ZNF701: variants seen among roughly 807,000 people sequenced by gnomAD.
ZNF701 encodes zinc finger protein 701.
In ZNF701, 6 loss-of-function variants were observed where a neutral mutation model predicts 7.1. The observed-to-expected ratio is 0.84, with a 90% CI of 0.46 to 1.66. The LOEUF is 1.66. Among genes scored for constraint, ZNF701 ranks in the 40% most tolerant of loss-of-function variants. The pLI is 0.01. For missense variants in ZNF701, 541 were observed against 559.2 expected (o/e 0.97, Z 0.33); for synonymous variants, 166 against 188.2 (o/e 0.88, Z 0.97).
At chr19:52,593,351 C>G in the ZNF701 span, among the ~76,000 whole-genome samples, 10 of 111,650 alleles carry the variant, frequency 9.0e-5, 4 homozygotes, top group Admixed American at 3.6e-4. Context: ...TCCCAGTAGG[C>G]GCGGCCGGGC....
downstream of ZNF701, among the ~76,000 whole-genome samples, chr19:52,590,014 G>A (rs901024271): frequency 6.6e-6 from 1 of 151,794 alleles, no homozygotes. Context: ...GGCTGGTCTC[G>A]ATCTCCCGAC....
At chr19:52,575,445 T>C (rs936773146) in intron 2 of ZNF701, among the ~76,000 whole-genome samples, 1 of 93,530 alleles carries the variant, frequency 1.1e-5, no homozygotes, top group Non-Finnish European at 2.0e-5. Flanking sequence ...GTAGGTTTTA[T>C]TTTTTTTTTA....
chr19:52,580,171 C>T (rs2059966137), intron 3 of ZNF701, among the ~76,000 whole-genome samples: 2 of 145,512 alleles, frequency 1.4e-5, no homozygotes. Flanking sequence ...TCTCAATCTC[C>T]TGACCTTGTG....
In ZNF701 at chr19:52,582,975, G is replaced by A. The variant is rs964289657; in HGVS notation, c.916G>A (p.Val306Ile). The change falls in exon 4 of 4, where the codon GTT (valine) becomes ATT (isoleucine). Residue 306 changes from valine to isoleucine, a missense_variant. Coordinates refer to ENST00000391785, the MANE Select transcript of ZNF701 (RefSeq NM_018260.3). ...TTACAAGTGTAATGAATGTGGCAAG[G>A]TTTTTAATCAACAATCAAACCTTGC... ...KPYKCNECGKVFNQQSNLARH... is the reference protein window; with the variant it reads ...KPYKCNECGKIFNQQSNLARH... The A allele has an allele frequency of 4.3e-6, 7 of 1,613,906 alleles. No homozygotes were observed. Among genetic ancestry groups the A allele is most frequent in the Non-Finnish European group, 5.9e-6 (7 of 1,179,980 alleles).
chr19:52,588,554 C>T, downstream of ZNF701: 1 of 373,024 alleles, frequency 2.7e-6, no homozygotes, highest in Non-Finnish European at 5.2e-6. Flanking sequence ...AAGACTCATG[C>T]TATGTAAGGA....
downstream of ZNF701, among the ~76,000 whole-genome samples, chr19:52,588,765 A>C (rs1294747860): frequency 6.6e-6 from 1 of 152,112 alleles, no homozygotes; most frequent in Non-Finnish European, 1.5e-5. Context: ...CTCATCTTAA[A>C]TTCCATCTGC....
chr19:52,590,415 A>G (rs549531432), downstream of ZNF701, among the ~76,000 whole-genome samples: 1 of 152,312 alleles, frequency 6.6e-6, no homozygotes, highest in Non-Finnish European at 1.5e-5. Context: ...TTTAATTTAC[A>G]TAATGAATTC....
At chr19:52,589,722 T>C (rs2060029311), downstream of ZNF701, among the ~76,000 whole-genome samples, 1 of 152,214 alleles carries the variant, frequency 6.6e-6, no homozygotes, top group African/African-American at 2.4e-5. Flanking sequence ...TTAGAAATTT[T>C]TGGCCATTAA....
intron 1 of ZNF701, chr19:52,570,619 CAA>C (rs2059891409): frequency 6.6e-6 from 1 of 152,316 alleles, no homozygotes; most frequent in South Asian, 2.1e-4. Flanking sequence ...CCGCGCTTTT[CAA>C]AGTCCTCACC....
At chr19:52,598,437 G>T in the ZNF701 span, among the ~76,000 whole-genome samples, 3 of 152,142 alleles carry the variant, frequency 2.0e-5, no homozygotes, top group Admixed American at 6.6e-5. Context: ...GGGGAGAGGG[G>T]CAGGGACCTC....
chr19:52,596,063 T>C, the ZNF701 span: 1 of 1,255,844 alleles, frequency 8.0e-7, no homozygotes, highest in East Asian at 2.3e-5. Flanking sequence ...GAATTTCCTC[T>C]ATTCTTCATT....
rs145025900 is a variant in ZNF701 at position 52,582,215 on chromosome 19, A to G, written c.156A>G (p.Lys52=). ...TATATTTTGTAGATACCTCTTCCAAATGCATGATGAAGATGTTCTCATCAA... is the reference window on the plus strand; with the variant it reads ...TATATTTTGTAGATACCTCTTCCAAGTGCATGATGAAGATGTTCTCATCAA... The part of the protein sequence containing the change: ...RNLVSLDTSS[K]CMMKMFSSTG... Residue 52 remains lysine (K), a synonymous_variant, in exon 4 of 4, where the codon AAA becomes AAG. Transcript: ENST00000391785. The G allele has an allele frequency of 1.2e-5, 19 of 1,580,478 alleles. No homozygotes were observed. The highest frequency in any genetic ancestry group is 7.5e-5 in the Admixed American group (4 of 53,568).
rs930876719 is a variant in ZNF701 at position 52,576,011 on chromosome 19, G to C, written c.132G>C (p.Leu44=). ...TGATGCTGGAGAATTATAGGAACCT[G>C]GTCTCCCTGGGTGAGGATAACTTCC... ...RDVMLENYRN[L]VSLDTSSKCM... The change falls in exon 3 of 4, where the codon CTG becomes CTC. Residue 44 remains leucine (L), a synonymous_variant. Transcript: ENST00000391785. 10 of 1,575,780 alleles carry C rather than the reference G, an allele frequency of 6.3e-6. No individual in the cohort carries two copies. The highest frequency in any genetic ancestry group is 2.0e-5 in the Admixed American group (1 of 49,414).
rs1188527065 is a variant in ZNF701, at chr19:52,582,610, C to A, written c.551C>A (p.Pro184Gln). ...GCATCCCAACGAATTTCCTGTAGGC[C>A]AAAAACTCGTATTTCTAATAAGTAT... Reference protein sequence around the residue: ...VSASQRISCRPKTRISNKYRN... With the variant: ...VSASQRISCRQKTRISNKYRN... Residue 184 changes from proline to glutamine, a missense_variant, in exon 4 of 4, where the codon CCA (proline) becomes CAA (glutamine). Transcript: ENST00000391785. 21 of 1,613,994 alleles carry A rather than the reference C, an allele frequency of 1.3e-5. No homozygotes were observed. Among genetic ancestry groups the A allele is most frequent in the Non-Finnish European group, 1.8e-5 (21 of 1,180,028 alleles).
In ZNF701 at chr19:52,583,115, A is replaced by G. The variant is rs2059987694; in HGVS notation, c.1056A>G (p.Lys352=). The G allele has an allele frequency of 6.2e-7, 1 of 1,613,638 alleles. No homozygotes were observed. Among genetic ancestry groups the G allele is most frequent in the African/African-American group, 1.3e-5 (1 of 74,856 alleles). ...ATAGGAGAATTCACACTGGAGAGAA[A>G]CCATACAAATGTAAGGTTTGTGACA... The part of the protein sequence containing the change: ...ERHRRIHTGE[K]PYKCKVCDKA... The change falls in exon 4 of 4, where the codon AAA becomes AAG. Residue 352 remains lysine, a synonymous_variant. Coordinates refer to ENST00000391785, the MANE Select transcript of ZNF701 (RefSeq NM_018260.3).
In ZNF701 at chr19:52,576,142, A is replaced by G. The variant is rs988351213; in HGVS notation, c.142+121A>G. 6.4e-6 allele frequency: 10 copies of G among 1,570,506 alleles called. No individual in the cohort carries two copies. In the African/African-American group the frequency reaches 1.2e-4, roughly 19 times the overall value. ...AAATGGAAGCCGTATTGAGTTAGAA[A>G]TGAAAAGCTTCATGATGTAGCATCT... is the stretch of plus-strand genomic sequence containing the variant. On this transcript the variant is annotated intron_variant, in intron 3 of 3. Transcript: ENST00000391785.
chr19:52,570,771 C>G (rs375851691), intron 1 of ZNF701: 1 of 152,264 alleles, frequency 6.6e-6, no homozygotes, highest in Admixed American at 6.5e-5. Context: ...AAGGCGTCGT[C>G]GCACCCCACC....
At chr19:52,595,571 A>G in the ZNF701 span, 2 of 831,580 alleles carry the variant, frequency 2.4e-6, no homozygotes, top group Non-Finnish European at 3.7e-6. Flanking sequence ...CACCTGGCCT[A>G]CCATCTGTAC....
rs529609828 is a variant in ZNF701, at chr19:52,586,650, G to A, written c.*3193G>A. On this transcript the variant is annotated 3_prime_UTR_variant, in exon 4 of 4. Transcript: ENST00000391785. The stretch of plus-strand genomic sequence containing the variant: ...GCGACTCTTCCTTCTTACAAAACTC[G>A]GAGCTTCTCAGGATAACTTGGTGAA... 8.6e-5 allele frequency: 13 copies of A among 152,016 alleles called. No individual in the cohort carries two copies. The highest frequency in any genetic ancestry group is 2.4e-4 in the African/African-American group (10 of 41,404). 9.4% of individuals were successfully genotyped at this position (152,016 alleles called of 1,614,324 possible). A position where few individuals can be genotyped will look rare whatever the true frequency, so the allele number is the denominator to read the frequency against.
Sources: gnomAD v4.1 joint callset for allele counts (sites outside exome capture counted in the v4.1 genomes callset) on GRCh38, gnomAD v4.1.1 for gene constraint, MANE v1.5 for transcripts, NCBI Gene and HGNC (gene_info 2026-07-23, HGNC 2026-07-21) for gene names.